Variants in ARMC2 observed in about 807,000 individuals in gnomAD.
ARMC2 encodes the protein armadillo repeat-containing protein 2.
Under a neutral mutation model 90.3 loss-of-function variants are expected in ARMC2, and 67 were observed. That is an observed-to-expected ratio of 0.74 (90% CI 0.61 to 0.91). ARMC2 has a LOEUF of 0.91. Among genes scored for constraint, ARMC2 ranks in the 40% least tolerant of loss-of-function variants. The pLI is 0.00. For missense variants in ARMC2, 920 were observed against 1,030.9 expected, an observed-to-expected ratio of 0.89 and a Z score of 1.47; for synonymous variants, 393 against 393.0, an observed-to-expected ratio of 1.00 and a Z score of 0.00.
At chr6:108,909,614 C>A (rs769879412) in intron 8 of ARMC2, among the ~76,000 whole-genome samples, 43 of 152,308 alleles carry the variant, frequency 2.8e-4, no homozygotes, top group Non-Finnish European at 5.1e-4. Flanking sequence ...CGGCTCACTG[C>A]AACCTCCGCC....
intron 13 of ARMC2, among the ~76,000 whole-genome samples, chr6:108,956,505 T>C (rs1473201163): frequency 6.7e-6 from 1 of 148,396 alleles, no homozygotes; most frequent in Non-Finnish European, 1.5e-5. Flanking sequence ...CGGACCAGAC[T>C]GGGCAACATG....
the ARMC2 span, chr6:109,000,397 A>C: frequency 4.3e-6 from 4 of 930,642 alleles, no homozygotes; most frequent in Non-Finnish European, 6.0e-6. Flanking sequence ...GAAAATAGGA[A>C]CTCTCTGTAC....
At chr6:108,991,085 A>C in the ARMC2 span, among the ~76,000 whole-genome samples, 779 of 149,360 alleles carry the variant, frequency 5.2e-3, 11 homozygotes, top group African/African-American at 0.01. Context: ...ACAACAACAA[A>C]AAAAAACTAA....
At chr6:109,026,566 G>C in the ARMC2 span, among the ~76,000 whole-genome samples, 2 of 151,874 alleles carry the variant, frequency 1.3e-5, no homozygotes, top group African/African-American at 2.4e-5. Context: ...GCGCAATCTC[G>C]GCTCACTGCA....
intron 10 of ARMC2, among the ~76,000 whole-genome samples, chr6:108,923,252 GAA>G (rs1774767518): frequency 6.6e-6 from 1 of 152,054 alleles, no homozygotes; most frequent in Admixed American, 6.6e-5. Flanking sequence ...CAATAAAAAA[GAA>G]AAATGTGTGT....
the ARMC2 span, among the ~76,000 whole-genome samples, chr6:108,985,315 G>T: frequency 6.6e-6 from 1 of 151,882 alleles, no homozygotes; most frequent in East Asian, 1.9e-4. Flanking sequence ...TTGAATCCTG[G>T]GACCCTCAAC....
At chr6:108,953,575 T>C (rs1777358694) in intron 13 of ARMC2, among the ~76,000 whole-genome samples, 1 of 152,240 alleles carries the variant, frequency 6.6e-6, no homozygotes, top group South Asian at 2.1e-4. Flanking sequence ...AGATTATTAC[T>C]AAAACCCACC....
At chr6:108,899,626 C>G in intron 6 of ARMC2, 68 bp from the exon 7 acceptor site, 1 of 1,167,664 alleles carries the variant, frequency 8.6e-7, no homozygotes, top group South Asian at 1.3e-5. Context: ...ATAGTAAAGG[C>G]TTTTGACCAT....
chr6:109,001,097 A>G, the ARMC2 span, among the ~76,000 whole-genome samples: 2 of 152,190 alleles, frequency 1.3e-5, no homozygotes, highest in Admixed American at 6.5e-5. Flanking sequence ...GCAATGTATA[A>G]ATACTTGCTT....
intron 4 of ARMC2, among the ~76,000 whole-genome samples, chr6:108,873,457 G>A (rs750073639): frequency 1.3e-5 from 2 of 152,058 alleles, no homozygotes; most frequent in African/African-American, 4.8e-5. Flanking sequence ...GCCCCCTCAC[G>A]GTGGGTGCAC....
chr6:108,959,536 A>G (rs898335659), intron 13 of ARMC2: 15 of 152,312 alleles, frequency 9.8e-5, no homozygotes, highest in African/African-American at 3.6e-4. Context: ...CCAGGTGGAG[A>G]AGGACTGGGG....
chr6:109,026,568 C>T, the ARMC2 span, among the ~76,000 whole-genome samples: 2 of 152,066 alleles, frequency 1.3e-5, no homozygotes, highest in African/African-American at 4.8e-5. Flanking sequence ...GCAATCTCGG[C>T]TCACTGCAAC....
chr6:108,899,902 A>G (rs985313219), intron 7 of ARMC2, 110 bp downstream of exon 7: 4 of 790,120 alleles, frequency 5.1e-6, no homozygotes, highest in Non-Finnish European at 6.1e-6. Flanking sequence ...AGTTTTCACT[A>G]TCATTTCTGT....
intron 8 of ARMC2, chr6:108,907,475 TTTA>T: frequency 2.0e-6 from 1 of 500,822 alleles, no homozygotes; most frequent in South Asian, 4.6e-5. Flanking sequence ...TTTTTTTTTT[TTTA>T]CCAGTCATCT....
the ARMC2 span, among the ~76,000 whole-genome samples, chr6:109,039,994 G>T: frequency 1.2e-4 from 18 of 152,212 alleles, no homozygotes; most frequent in Non-Finnish European, 2.4e-4. Context: ...TCAAATGAAG[G>T]ACTGTGAGAG....
chr6:108,934,820 T>G (rs1054801065), intron 11 of ARMC2, among the ~76,000 whole-genome samples: 4 of 151,502 alleles, frequency 2.6e-5, no homozygotes, highest in Non-Finnish European at 4.4e-5. Flanking sequence ...TTCTAATCTC[T>G]GTTTTATCTC....
In ARMC2 at chr6:108,973,389, C is replaced by T; in HGVS notation, c.2479C>T (p.Pro827Ser). The stretch of plus-strand genomic sequence containing the variant: ...ACTAGCACTGGATGGCAGTTTTGAT[C>T]CAGACCTAAAAAACTATCACAAACT... ...EELALDGSFDPDLKNYHKLHW... is the reference protein window; with the variant it reads ...EELALDGSFDSDLKNYHKLHW... Residue 827 changes from proline to serine, a missense_variant, in exon 18 of 18, where the codon CCA becomes TCA. By Grantham distance (74) the Pro-to-Ser change is moderately conservative. Transcript: ENST00000392644. 1 of 1,613,368 alleles carries T rather than the reference C, an allele frequency of 6.2e-7. No homozygotes were observed. Among genetic ancestry groups the T allele is most frequent in the Non-Finnish European group, 8.5e-7 (1 of 1,179,500 alleles).
rs777987476 is a variant in ARMC2, at chr6:108,904,351, A to G, written c.969A>G (p.Leu323=). ...TTCTCCTGAAGACCCTGTGTAAACT[A>G]GTTGATGTTGGTTCAGACTCGCTCA... The part of the protein sequence containing the change: ...RSILLKTLCK[L]VDVGSDSLSL... Residue 323 remains leucine, a synonymous_variant, in exon 8 of 18, where the codon CTA becomes CTG. Transcript: ENST00000392644. 6.2e-7 allele frequency: 1 copy of G among 1,612,798 alleles called. No individual in the cohort carries two copies. Among genetic ancestry groups the G allele is most frequent in the South Asian group, 1.1e-5 (1 of 90,854 alleles).
intron 13 of ARMC2, among the ~76,000 whole-genome samples, chr6:108,959,917 C>G (rs532064684): frequency 2.6e-5 from 4 of 152,188 alleles, no homozygotes; most frequent in African/African-American, 9.6e-5. Flanking sequence ...TACTCCTGAC[C>G]TCAAGTGATC....
Sources: gnomAD v4.1 joint callset for allele counts (sites outside exome capture counted in the v4.1 genomes callset) on GRCh38, gnomAD v4.1.1 for gene constraint, MANE v1.5 for transcripts, NCBI Gene and HGNC (gene_info 2026-07-23, HGNC 2026-07-21) for gene names.